LGSN: variants seen among roughly 807,000 people sequenced by gnomAD.
LGSN encodes the protein lengsin, lens protein with glutamine synthetase domain, also known as lengsin.
LGSN carries 21 observed loss-of-function variants against 19.5 expected under a neutral mutation model. The ratio of observed to expected loss-of-function variants is 1.07; its 90% confidence interval spans 0.76 to 1.55. LGSN has a LOEUF of 1.55. LGSN is among the 40% of genes most tolerant of loss of function. LGSN has a pLI of 0.00. For missense variants in LGSN, 673 were observed against 608.5 expected (o/e 1.11, Z -1.12); for synonymous variants, 257 against 215.6 (o/e 1.19, Z -1.68).
At chr6:63,552,022 T>C in the LGSN span, among the ~76,000 whole-genome samples, 1 of 152,236 alleles carries the variant, frequency 6.6e-6, no homozygotes. Flanking sequence ...TGTGTCTTTA[T>C]AGCAGCATGA....
chr6:63,481,673 A>T, the LGSN span: 76,365 of 157,170 alleles, frequency 0.49, 19,127 homozygotes, highest in South Asian at 0.56. Context: ...AAAATTTTTT[A>T]AAAAAAATTA....
At chr6:63,415,109 C>A in the LGSN span, among the ~76,000 whole-genome samples, 1 of 151,942 alleles carries the variant, frequency 6.6e-6, no homozygotes, top group Non-Finnish European at 1.5e-5. Context: ...CCTAGGAGGT[C>A]AGGAGTTCGA....
the LGSN span, among the ~76,000 whole-genome samples, chr6:63,472,276 A>G: frequency 6.6e-6 from 1 of 152,192 alleles, no homozygotes; most frequent in Non-Finnish European, 1.5e-5. Context: ...GTTTATTCAA[A>G]ATTAGAAATG....
At chr6:63,364,832 GACTACTGGGT>G in the LGSN span, among the ~76,000 whole-genome samples, 943 of 152,276 alleles carry the variant, frequency 6.2e-3, 7 homozygotes, top group African/African-American at 0.021. Context: ...CCTCCTGAAT[GACTACTGGGT>G]ACATAACAAA....
At chr6:63,383,579 A>G in the LGSN span, among the ~76,000 whole-genome samples, 1 of 152,162 alleles carries the variant, frequency 6.6e-6, no homozygotes, top group Non-Finnish European at 1.5e-5. Flanking sequence ...ATAAATAAAA[A>G]TAAGACACAA....
the LGSN span, among the ~76,000 whole-genome samples, chr6:63,538,762 C>CA: frequency 3.9e-5 from 6 of 152,194 alleles, 1 homozygote; most frequent in South Asian, 8.3e-4. Flanking sequence ...GACTGATGGG[C>CA]CCCACCTCCA....
the LGSN span, chr6:63,480,063 T>C: frequency 6.4e-6 from 1 of 156,292 alleles, no homozygotes; most frequent in Non-Finnish European, 1.4e-5. Context: ...GTTTCCTCTC[T>C]TAGTGCTAGG....
the LGSN span, among the ~76,000 whole-genome samples, chr6:63,510,202 C>T: frequency 9.9e-5 from 15 of 152,220 alleles, no homozygotes; most frequent in African/African-American, 3.4e-4. Flanking sequence ...TTGCCGCCTT[C>T]AGTACTAAAA....
At chr6:63,427,667 T>C in the LGSN span, among the ~76,000 whole-genome samples, 1 of 152,178 alleles carries the variant, frequency 6.6e-6, no homozygotes. Context: ...AATTCAGAGG[T>C]TTTATGGTGA....
the LGSN span, among the ~76,000 whole-genome samples, chr6:63,552,793 A>G: frequency 6.6e-6 from 1 of 151,994 alleles, no homozygotes; most frequent in Non-Finnish European, 1.5e-5. Flanking sequence ...AAATAGGGAA[A>G]CCTTTCCCCA....
At chr6:63,470,410 G>C in the LGSN span, among the ~76,000 whole-genome samples, 1 of 151,420 alleles carries the variant, frequency 6.6e-6, no homozygotes, top group East Asian at 1.9e-4. Flanking sequence ...GGCGGCGGAG[G>C]TTGCAGTGAG....
chr6:63,537,441 A>C, the LGSN span, among the ~76,000 whole-genome samples: 1 of 152,180 alleles, frequency 6.6e-6, no homozygotes, highest in Non-Finnish European at 1.5e-5. Flanking sequence ...GGCTCAGATC[A>C]ATTAAATCAG....
chr6:63,296,745 A>G (rs1001908905), intron 1 of LGSN, among the ~76,000 whole-genome samples: 2 of 152,148 alleles, frequency 1.3e-5, no homozygotes, highest in Admixed American at 1.3e-4. Context: ...AATTAAGCAC[A>G]TTGTCAAGCA....
the LGSN span, among the ~76,000 whole-genome samples, chr6:63,483,264 C>G: frequency 6.6e-6 from 1 of 152,284 alleles, no homozygotes; most frequent in Non-Finnish European, 1.5e-5. Flanking sequence ...GTGTCCTTAG[C>G]ATGCTGGCTT....
chr6:63,432,878 T>C, the LGSN span, among the ~76,000 whole-genome samples: 2 of 152,066 alleles, frequency 1.3e-5, no homozygotes, highest in African/African-American at 4.8e-5. Flanking sequence ...CATAATGACA[T>C]TCCAGGAGTT....
the LGSN span, among the ~76,000 whole-genome samples, chr6:63,551,029 T>G: frequency 6.6e-6 from 1 of 151,930 alleles, no homozygotes; most frequent in East Asian, 1.9e-4. Flanking sequence ...TAGGTTTTTT[T>G]TATTTATGAA....
At chr6:63,341,234 C>T in the LGSN span, among the ~76,000 whole-genome samples, 1 of 152,144 alleles carries the variant, frequency 6.6e-6, no homozygotes, top group African/African-American at 2.4e-5. Context: ...ACATGGATGC[C>T]AGCAGTGGCA....
the LGSN span, among the ~76,000 whole-genome samples, chr6:63,336,551 G>GTA: frequency 4.3e-5 from 6 of 139,916 alleles, no homozygotes; most frequent in African/African-American, 1.5e-4. Context: ...GTGTGTGTGT[G>GTA]TGTGTGTGTG....
At chr6:63,552,666 A>G in the LGSN span, among the ~76,000 whole-genome samples, 2 of 152,174 alleles carry the variant, frequency 1.3e-5, no homozygotes, top group African/African-American at 4.8e-5. Flanking sequence ...TTATGGTTTT[A>G]GTTCTAACAT....
Sources: gnomAD v4.1 joint callset for allele counts (sites outside exome capture counted in the v4.1 genomes callset) on GRCh38, gnomAD v4.1.1 for gene constraint, MANE v1.5 for transcripts, NCBI Gene and HGNC (gene_info 2026-07-23, HGNC 2026-07-21) for gene names.